The following CAPSL variants were observed in gnomAD, a reference collection of about 807,000 sequenced individuals.
The protein encoded by CAPSL is calcyphosin-like protein.
Under a neutral mutation model 21.3 loss-of-function variants are expected in CAPSL, and 17 were observed. The observed-to-expected ratio is 0.80, with a 90% CI of 0.55 to 1.20. The LOEUF (loss-of-function observed/expected upper bound fraction) is 1.20. Among genes scored for constraint, CAPSL ranks in the 50% most tolerant of loss-of-function variants. CAPSL has a pLI of 0.00. For synonymous variants in CAPSL, 102 were observed against 89.3 expected, an observed-to-expected ratio of 1.14 and a Z score of -0.80; for missense variants, 289 against 259.3, an observed-to-expected ratio of 1.11 and a Z score of -0.79.
rs1256444821 is a variant in CAPSL at position 35,922,343 on chromosome 5, G to A, written c.1-1223C>T. Among the ~76,000 whole-genome samples, 3 of 152,050 alleles carry A rather than the reference G, an allele frequency of 2.0e-5. No individual in the cohort carries two copies. The East Asian group carries it at 5.8e-4, about 29-fold the overall frequency. On this transcript the variant is annotated intron_variant, in intron 1 of 4. Coordinates refer to ENST00000651391, the MANE Select transcript of CAPSL (RefSeq NM_001042625.2). ...ACTGAGGCCAGAATAGACAATTCAG[G>A]GATGCATACACTTAACGTGGCCACT...
intron 2 of CAPSL, among the ~76,000 whole-genome samples, chr5:35,913,002 G>C (rs1193473585): frequency 6.6e-6 from 1 of 152,120 alleles, no homozygotes. Context: ...CCACTGCAGA[G>C]AAGTCCTTAA....
chr5:35,904,793 A>C, intron 4 of CAPSL, 147 bp from the exon 5 acceptor site: 1 of 1,248,328 alleles, frequency 8.0e-7, no homozygotes, highest in Non-Finnish European at 1.1e-6. Context: ...AAAACAAAAG[A>C]ACAAGTGAAG....
intron 2 of CAPSL, among the ~76,000 whole-genome samples, chr5:35,913,502 G>A (rs10064755): frequency 3.3e-5 from 5 of 151,978 alleles, no homozygotes; most frequent in Admixed American, 1.3e-4. Context: ...GACTAACAGC[G>A]GATCTCTCAG....
chr5:35,936,478 G>A (rs924892360), intron 1 of CAPSL, among the ~76,000 whole-genome samples: 1 of 152,104 alleles, frequency 6.6e-6, no homozygotes, highest in East Asian at 1.9e-4. Context: ...TTCATACTTC[G>A]GTCCATTTCA....
chr5:35,933,547 A>G (rs1288506194), intron 1 of CAPSL, among the ~76,000 whole-genome samples: 2 of 152,160 alleles, frequency 1.3e-5, no homozygotes, highest in African/African-American at 4.8e-5. Flanking sequence ...CAGGGCACTC[A>G]TTTATAAAAA....
chr5:35,925,409 C>A (rs1474153765), intron 1 of CAPSL, among the ~76,000 whole-genome samples: 1 of 152,080 alleles, frequency 6.6e-6, no homozygotes, highest in Admixed American at 6.5e-5. Context: ...GCAGGTGTAC[C>A]AACTACTCAG....
intron 2 of CAPSL, among the ~76,000 whole-genome samples, chr5:35,913,972 T>C (rs1738300965): frequency 6.6e-6 from 1 of 151,900 alleles, no homozygotes; most frequent in South Asian, 2.1e-4. Context: ...CCATCTCAAA[T>C]GCAGAGACAC....
At chr5:35,931,461 A>G (rs1159402509) in intron 1 of CAPSL, among the ~76,000 whole-genome samples, 1 of 151,424 alleles carries the variant, frequency 6.6e-6, no homozygotes, top group East Asian at 1.9e-4. Flanking sequence ...ACAAGGTTTA[A>G]TAAAATACAG....
intron 2 of CAPSL, among the ~76,000 whole-genome samples, chr5:35,920,579 T>C (rs1166522262): frequency 6.6e-6 from 1 of 152,208 alleles, no homozygotes. Context: ...GGAGAAATGA[T>C]TGCCCGAGAG....
At chr5:35,917,479 A>G (rs1738422033) in intron 2 of CAPSL, among the ~76,000 whole-genome samples, 1 of 152,184 alleles carries the variant, frequency 6.6e-6, no homozygotes, top group Admixed American at 6.5e-5. Context: ...ATGTCCAACA[A>G]TGATAGACTG....
intron 1 of CAPSL, among the ~76,000 whole-genome samples, chr5:35,924,233 A>G (rs532125175): frequency 6.6e-6 from 1 of 152,354 alleles, no homozygotes; most frequent in African/African-American, 2.4e-5. Context: ...TGACCCTTGA[A>G]GATTCTCTAG....
chr5:35,928,480 CA>C (rs933441504), intron 1 of CAPSL, among the ~76,000 whole-genome samples: 21 of 152,144 alleles, frequency 1.4e-4, no homozygotes, highest in African/African-American at 4.8e-4. Flanking sequence ...GTGTTGTTGA[CA>C]TCGTGAGAGT....
intron 2 of CAPSL, among the ~76,000 whole-genome samples, chr5:35,917,465 C>T (rs1334779360): frequency 6.6e-6 from 1 of 152,082 alleles, no homozygotes; most frequent in African/African-American, 2.4e-5. Context: ...TGGAACCAAC[C>T]CAAATGTCCA....
chr5:35,921,144 A>G (rs769926042), intron 1 of CAPSL, 24 bp from the exon 2 acceptor site: 8 of 1,612,456 alleles, frequency 5.0e-6, no homozygotes, highest in South Asian at 1.1e-5. Context: ...ATAGCATGTT[A>G]GCAAAGTCCA....
At chr5:35,909,176 A>C (rs900177301) in intron 4 of CAPSL, among the ~76,000 whole-genome samples, 1 of 151,916 alleles carries the variant, frequency 6.6e-6, no homozygotes, top group African/African-American at 2.4e-5. Context: ...TCATGGAGCT[A>C]TATAATTCCT....
intron 1 of CAPSL, among the ~76,000 whole-genome samples, chr5:35,925,823 T>A (rs1041082950): frequency 1.2e-4 from 18 of 152,096 alleles, no homozygotes; most frequent in African/African-American, 4.3e-4. Flanking sequence ...ACGCCTGTAA[T>A]CCTAGCACTT....
At chr5:35,912,549 C>T (rs1197655141) in intron 2 of CAPSL, among the ~76,000 whole-genome samples, 1 of 152,200 alleles carries the variant, frequency 6.6e-6, no homozygotes, top group Non-Finnish European at 1.5e-5. Flanking sequence ...ATTTGCTGTT[C>T]ACCAATATCT....
At chr5:35,932,650 G>C (rs759013495) in intron 1 of CAPSL, among the ~76,000 whole-genome samples, 1 of 152,182 alleles carries the variant, frequency 6.6e-6, no homozygotes, top group Non-Finnish European at 1.5e-5. Flanking sequence ...TGCCTCAGTT[G>C]GCAGAAGAAA....
At chr5:35,925,514 G>A (rs1738648139) in intron 1 of CAPSL, among the ~76,000 whole-genome samples, 3 of 152,112 alleles carry the variant, frequency 2.0e-5, no homozygotes, top group Admixed American at 6.5e-5. Flanking sequence ...GAGATGAACA[G>A]TAGTGAAGAT....
Sources: gnomAD v4.1 joint callset for allele counts (sites outside exome capture counted in the v4.1 genomes callset) on GRCh38, gnomAD v4.1.1 for gene constraint, MANE v1.5 for transcripts, NCBI Gene and HGNC (gene_info 2026-07-23, HGNC 2026-07-21) for gene names.